Variants in NRCAM observed in about 807,000 individuals in gnomAD.
NRCAM encodes NgCAM-related cell adhesion molecule.
A neutral mutation model predicts 156.5 loss-of-function variants in NRCAM; 83 were observed. That is an observed-to-expected ratio of 0.53 (90% confidence interval 0.44 to 0.64). The LOEUF (loss-of-function observed/expected upper bound fraction) is 0.64. Among genes scored for constraint, NRCAM ranks in the 30% least tolerant of loss-of-function variants. NRCAM has a pLI of 0.00. For synonymous variants in NRCAM, 538 were observed against 563.9 expected (o/e 0.95, Z 0.65); for missense variants, 1,417 against 1,597.3 (o/e 0.89, Z 1.92).
In NRCAM at chr7:108,191,761, C is replaced by A; in HGVS notation, c.1871G>T (p.Ser624Ile). 1 of 1,613,956 alleles carries A rather than the reference C, an allele frequency of 6.2e-7. No homozygotes were observed. The highest frequency in any genetic ancestry group is 8.5e-7 in the Non-Finnish European group (1 of 1,179,872). The change falls in exon 18 of 33, where the codon AGC (serine) becomes ATC (isoleucine). Residue 624 changes from serine (S) to isoleucine (I), a missense_variant. This residue lies in a region of NRCAM where 1,238 missense variants were observed against 1,336.4 expected (regional missense o/e 0.93). Coordinates refer to ENST00000379028, the MANE Select transcript of NRCAM (RefSeq NM_001037132.4). ...GCTAAGCACAGCGCTGGCGGAGACG[C>A]TGTCCAGAGTGGTGTTGGCCACACA... ...YTCVANTTLDSVSASAVLSVV... is the reference protein window; with the variant it reads ...YTCVANTTLDIVSASAVLSVV...
chr7:108,212,872 A>C (rs941264270), intron 11 of NRCAM, among the ~76,000 whole-genome samples: 1 of 152,242 alleles, frequency 6.6e-6, no homozygotes, highest in Non-Finnish European at 1.5e-5. Context: ...AGGGACCTAG[A>C]CATTCAAATA....
chr7:108,267,561 A>C (rs567032336), intron 3 of NRCAM, among the ~76,000 whole-genome samples: 1 of 152,334 alleles, frequency 6.6e-6, no homozygotes, highest in South Asian at 2.1e-4. Flanking sequence ...CAAAAACCCC[A>C]AAAAAGCCCA....
intron 2 of NRCAM, among the ~76,000 whole-genome samples, chr7:108,341,286 G>A (rs1594258915): frequency 6.6e-6 from 1 of 152,178 alleles, no homozygotes; most frequent in East Asian, 1.9e-4. Flanking sequence ...AGAGCCCCGG[G>A]TATGCTTGAC....
At chr7:108,397,371 A>C (rs2099779744) in intron 2 of NRCAM, among the ~76,000 whole-genome samples, 2 of 152,218 alleles carry the variant, frequency 1.3e-5, no homozygotes, top group Non-Finnish European at 2.9e-5. Context: ...TAATCAAATA[A>C]AATTCACTCA....
chr7:108,277,038 T>C (rs1057202426), intron 3 of NRCAM, among the ~76,000 whole-genome samples: 1 of 152,188 alleles, frequency 6.6e-6, no homozygotes, highest in African/African-American at 2.4e-5. Flanking sequence ...AAAATTCTTT[T>C]CTTTAAGAAT....
chr7:108,191,767 A>G lies in NRCAM; in HGVS notation c.1865T>C (p.Leu622Pro), dbSNP rs749006554. 1 of 1,614,086 alleles carries G rather than the reference A, an allele frequency of 6.2e-7. No homozygotes were observed. The highest frequency in any genetic ancestry group is 1.1e-5 in the South Asian group (1 of 91,068). ...CACAGCGCTGGCGGAGACGCTGTCC[A>G]GAGTGGTGTTGGCCACACACGTGTA... ...GTYTCVANTT[L>P]DSVSASAVLS... is the part of the protein sequence containing the mutation. The change falls in exon 18 of 33, where the codon CTG (leucine) becomes CCG (proline). Residue 622 changes from leucine to proline, a missense_variant. This residue lies in a region of NRCAM where 1,238 missense variants were observed against 1,336.4 expected (regional missense o/e 0.93). Transcript: ENST00000379028.
chr7:108,199,829 T>G lies in NRCAM; in HGVS notation c.1208-1730A>C, dbSNP rs149817065. ...TATTCATAGTTTCTAGGGATTGGGATGTAGACATCATGGCGGGGTGGGGTA... is the reference window on the plus strand; with the variant it reads ...TATTCATAGTTTCTAGGGATTGGGAGGTAGACATCATGGCGGGGTGGGGTA... On this transcript the variant is annotated intron_variant, in intron 13 of 32. Transcript: ENST00000379028. Among the ~76,000 whole-genome samples, 329 of 152,306 alleles carry G rather than the reference T, an allele frequency of 2.2e-3. 1 individual carries two copies. The highest frequency in any genetic ancestry group is 7.5e-3 in the African/African-American group (311 of 41,576).
rs774579974 is a variant in NRCAM, at chr7:108,406,073, C to A, written c.-331-6480G>T. On this transcript the variant is annotated intron_variant, in intron 1 of 32. Transcript: ENST00000379028. ...AAGGAGAAATGCATCAAAGATAGGACTATTCCTGGCCTAGCACAGGGGTAA... is the reference window on the plus strand; with the variant it reads ...AAGGAGAAATGCATCAAAGATAGGAATATTCCTGGCCTAGCACAGGGGTAA... 3.8e-4 allele frequency among the ~76,000 whole-genome samples: 58 copies of A among 151,924 alleles called. No homozygotes were observed. In the Middle Eastern group the frequency reaches 0.01, roughly 27 times the overall value.
At chr7:108,276,299 T>TG (rs1331661500) in intron 3 of NRCAM, among the ~76,000 whole-genome samples, 1 of 152,218 alleles carries the variant, frequency 6.6e-6, no homozygotes, top group Non-Finnish European at 1.5e-5. Context: ...GTTAATTTTC[T>TG]GTCTTGTTGA....
intron 3 of NRCAM, among the ~76,000 whole-genome samples, chr7:108,300,714 A>C (rs1345568619): frequency 2.6e-5 from 4 of 152,046 alleles, no homozygotes; most frequent in Non-Finnish European, 5.9e-5. Flanking sequence ...TTTTTTTCTA[A>C]TTTATTGTGA....
chr7:108,396,247 A>G (rs2099776586), intron 2 of NRCAM, among the ~76,000 whole-genome samples: 1 of 152,206 alleles, frequency 6.6e-6, no homozygotes, highest in Admixed American at 6.5e-5. Flanking sequence ...CGCATAAATG[A>G]GTAGAAACTT....
chr7:108,314,929 T>C (rs1592977601), intron 2 of NRCAM, among the ~76,000 whole-genome samples: 1 of 152,168 alleles, frequency 6.6e-6, no homozygotes. Context: ...CTTGTGAGGC[T>C]GATTTCTAAA....
intron 1 of NRCAM, among the ~76,000 whole-genome samples, chr7:108,428,001 AG>A (rs1203051588): frequency 2.7e-4 from 41 of 152,216 alleles, no homozygotes; most frequent in African/African-American, 9.4e-4. Context: ...GACCTTCTAA[AG>A]TATGTATAAT....
At chr7:108,397,963 T>C (rs912202446) in intron 2 of NRCAM, among the ~76,000 whole-genome samples, 1 of 152,024 alleles carries the variant, frequency 6.6e-6, no homozygotes, top group South Asian at 2.1e-4. Context: ...AAAATGAAAA[T>C]AGAGAATGTG....
At chr7:108,394,513 T>C (rs1047430119) in intron 2 of NRCAM, among the ~76,000 whole-genome samples, 1 of 152,212 alleles carries the variant, frequency 6.6e-6, no homozygotes, top group African/African-American at 2.4e-5. Flanking sequence ...TCTTTGCCTC[T>C]TTCTGTCTTT....
At chr7:108,166,509 A>G (rs1038349404) in intron 30 of NRCAM, among the ~76,000 whole-genome samples, 1 of 151,866 alleles carries the variant, frequency 6.6e-6, no homozygotes, top group Non-Finnish European at 1.5e-5. Flanking sequence ...CGGCCTCCCT[A>G]AGTGCTAGGA....
At position 108,350,633 on chromosome 7, in the gene NRCAM, G is replaced by A. The variant is rs73203535; in HGVS notation, c.-173-37902C>T. ...CCCTGACTGTCTTTCTTTATTTTTT[G>A]TCTCACATACCCACTCCCCTGTTGG... is the stretch of plus-strand genomic sequence containing the variant. On this transcript the variant is annotated intron_variant, in intron 2 of 32. Coordinates refer to ENST00000379028, the MANE Select transcript of NRCAM (RefSeq NM_001037132.4). 3.2e-3 allele frequency among the ~76,000 whole-genome samples: 487 copies of A among 152,086 alleles called. 1 individual carries two copies. The Middle Eastern group carries it at 0.044, about 14-fold the overall frequency.
In NRCAM at chr7:108,148,207, AGGT is replaced by A. The variant is rs2039743339; in HGVS notation, c.*1700_*1702del. 1 of 152,636 alleles carries A rather than the reference AGGT, an allele frequency of 6.6e-6. No homozygotes were observed. The highest frequency in any genetic ancestry group is 1.5e-5 in the Non-Finnish European group (1 of 68,058). The allele number at this position is 152,636 out of a possible 1,614,324, so 9.5% of individuals were successfully genotyped here. A position where few individuals can be genotyped will look rare whatever the true frequency, so the allele number is the denominator to read the frequency against. On this transcript the variant is annotated 3_prime_UTR_variant, in exon 33 of 33. Coordinates refer to ENST00000379028, the MANE Select transcript of NRCAM (RefSeq NM_001037132.4). ...CACTATTTCAGTTTCACAGCAAAAA[AGGT>A]GGGGGGAGGGGGGAACCCAATAGAT...
rs530706142 is a variant in NRCAM at position 108,224,658 on chromosome 7, G to T, written c.779-822C>A. 4.6e-5 allele frequency among the ~76,000 whole-genome samples: 7 copies of T among 152,092 alleles called. No individual in the cohort carries two copies. The East Asian group carries it at 1.4e-3, about 29-fold the overall frequency. On this transcript the variant is annotated intron_variant, in intron 10 of 32. Coordinates refer to ENST00000379028, the MANE Select transcript of NRCAM (RefSeq NM_001037132.4). Reference sequence around the variant, plus strand: ...CTCTTTAATGCATTATCTACTTGATGCTTATAAAAATTTAATGAAAAGGTC... The same window carrying T: ...CTCTTTAATGCATTATCTACTTGATTCTTATAAAAATTTAATGAAAAGGTC...
Sources: allele counts gnomAD v4.1 joint callset (sites outside exome capture counted in the v4.1 genomes callset), GRCh38; gene constraint gnomAD v4.1.1; regional missense constraint gnomAD v4.1.1; transcripts MANE v1.5; gene names NCBI Gene and HGNC (gene_info 2026-07-23, HGNC 2026-07-21).